Variants in CPXM2 observed in about 807,000 individuals in gnomAD.
The protein encoded by CPXM2 is carboxypeptidase X, M14 family member 2.
A neutral mutation model predicts 86.1 loss-of-function variants in CPXM2; 66 were observed. The observed-to-expected ratio is 0.77, with a 90% CI of 0.63 to 0.94. CPXM2 has a LOEUF of 0.94. Ranked by LOEUF, CPXM2 falls within the 40% of genes least tolerant of loss-of-function variation. The probability of loss-of-function intolerance (pLI) is 0.00; values close to 1 mark genes in which losing one functional copy is unlikely to be tolerated. For synonymous variants in CPXM2, 388 were observed against 400.2 expected (o/e 0.97, Z 0.36); for missense variants, 948 against 1,026.3 (o/e 0.92, Z 1.04).
intron 6 of CPXM2, among the ~76,000 whole-genome samples, chr10:123,788,878 GAAA>G (rs11461379): frequency 4.3e-5 from 6 of 138,864 alleles, no homozygotes; most frequent in Admixed American, 7.2e-5. Context: ...CACCTTGATT[GAAA>G]AAAAAAAAAA....
At chr10:123,817,062 C>T (rs771940010) in intron 4 of CPXM2, among the ~76,000 whole-genome samples, 1 of 152,212 alleles carries the variant, frequency 6.6e-6, no homozygotes, top group Admixed American at 6.5e-5. Flanking sequence ...GGATAAGTTG[C>T]TGCATTTGGC....
intron 2 of CPXM2, among the ~76,000 whole-genome samples, chr10:123,916,522 G>A (rs1247895751): frequency 6.6e-6 from 1 of 152,144 alleles, no homozygotes; most frequent in Non-Finnish European, 1.5e-5. Flanking sequence ...AGTCGTCTCT[G>A]ACTGCATTAA....
At position 123,803,118 on chromosome 10, in the gene CPXM2, C is replaced by CTTTTTTTTTTT. The variant is rs532954173; in HGVS notation, c.654-3930_654-3920dup. Reference sequence around the variant, plus strand: ...TCCTTTTCATCCTCTTTGTAGTACCCTTTTTTTTTTTTTTTTTTTTTTTTT... The same window carrying CTTTTTTTTTTT: ...TCCTTTTCATCCTCTTTGTAGTACCCTTTTTTTTTTTTTTTTTTTTTTTTTTTTTTTTTTTT... On this transcript the variant is annotated intron_variant, in intron 4 of 13. Transcript: ENST00000241305. Among the ~76,000 whole-genome samples, 140 of 63,642 alleles carry CTTTTTTTTTTT rather than the reference C, an allele frequency of 2.2e-3. 11 individuals carry two copies. Among genetic ancestry groups the CTTTTTTTTTTT allele is most frequent in the Non-Finnish European group, 3.1e-3 (102 of 32,526 alleles). 41.8% of individuals were successfully genotyped at this position (63,642 alleles called of 152,430 possible).
upstream of CPXM2, among the ~76,000 whole-genome samples, chr10:123,943,919 T>C (rs1204195296): frequency 4.6e-5 from 7 of 152,294 alleles, no homozygotes; most frequent in Admixed American, 2.0e-4. Context: ...GGTATTTGTA[T>C]CTCCAGAGCT....
chr10:123,814,880 C>T (rs1376379509), intron 4 of CPXM2, among the ~76,000 whole-genome samples: 1 of 152,048 alleles, frequency 6.6e-6, no homozygotes, highest in East Asian at 1.9e-4. Context: ...CAAAAATTAG[C>T]TGGGTGTGGT....
chr10:123,897,015 G>C (rs977628865), intron 2 of CPXM2, among the ~76,000 whole-genome samples: 1 of 152,054 alleles, frequency 6.6e-6, no homozygotes, highest in African/African-American at 2.4e-5. Flanking sequence ...GGAAGGTGAG[G>C]AGAAAGGGCT....
intron 7 of CPXM2, among the ~76,000 whole-genome samples, chr10:123,772,345 AGTTATCACCTCCCTGGGTGTG>A (rs1564761390): frequency 2.2e-5 from 3 of 135,784 alleles, no homozygotes; most frequent in Admixed American, 7.2e-5. Context: ...CCCCGTTTGC[AGTTATCACCTCCCTGGGTGTG>A]GTTATCACCT....
intron 3 of CPXM2, among the ~76,000 whole-genome samples, chr10:123,853,468 G>T (rs1478383077): frequency 1.3e-5 from 2 of 152,188 alleles, no homozygotes; most frequent in African/African-American, 4.8e-5. Flanking sequence ...TAGGCCCCCA[G>T]TAAATATTTG....
chr10:123,759,154 T>A (rs1846279300), intron 11 of CPXM2, among the ~76,000 whole-genome samples: 1 of 152,102 alleles, frequency 6.6e-6, no homozygotes, highest in East Asian at 1.9e-4. Flanking sequence ...ATCCCTCACA[T>A]GGGCCCCGGT....
chr10:123,910,776 G>A lies in CPXM2; in HGVS notation n.174+28701C>T, dbSNP rs181649590. On this transcript the variant is annotated intron_variant and non_coding_transcript_variant, in intron 2 of 19. Transcript: ENST00000368854. ...TGACAACACAAATTTATTCTCTCACGGTCCTGAAGGCCAGAATTCTGAGAT... is the reference window on the plus strand; with the variant it reads ...TGACAACACAAATTTATTCTCTCACAGTCCTGAAGGCCAGAATTCTGAGAT... 1.8e-4 allele frequency among the ~76,000 whole-genome samples: 28 copies of A among 152,182 alleles called. 1 individual carries two copies. The highest frequency in any genetic ancestry group is 6.3e-4 in the African/African-American group (26 of 41,494).
At chr10:123,779,641 C>A (rs1433403908) in intron 7 of CPXM2, among the ~76,000 whole-genome samples, 1 of 152,090 alleles carries the variant, frequency 6.6e-6, no homozygotes, top group African/African-American at 2.4e-5. Flanking sequence ...CAATATGCAA[C>A]CAAGATTGAA....
intron 1 of CPXM2, among the ~76,000 whole-genome samples, chr10:123,890,416 T>C (rs1299435386): frequency 6.6e-6 from 1 of 152,208 alleles, no homozygotes; most frequent in Non-Finnish European, 1.5e-5. Context: ...CTGCTGACTT[T>C]CGTGAGCAGT....
intron 2 of CPXM2, among the ~76,000 whole-genome samples, chr10:123,877,567 C>A (rs78074144): frequency 0.04 from 6,116 of 152,232 alleles, 171 homozygotes; most frequent in East Asian, 0.11. Flanking sequence ...ATGGAAACAA[C>A]CAAAGCTTGG....
intron 2 of CPXM2, among the ~76,000 whole-genome samples, chr10:123,914,287 G>C (rs1387537990): frequency 6.6e-6 from 1 of 152,126 alleles, no homozygotes; most frequent in East Asian, 1.9e-4. Flanking sequence ...CTGGGATACC[G>C]GAATGCCCTG....
chr10:123,937,867 G>A (rs1246821715), intron 2 of CPXM2, among the ~76,000 whole-genome samples: 1 of 152,090 alleles, frequency 6.6e-6, no homozygotes, highest in African/African-American at 2.4e-5. Context: ...AAATGCCAAT[G>A]TCCCCTGCAC....
At chr10:123,835,956 T>C (rs1848270976) in intron 4 of CPXM2, among the ~76,000 whole-genome samples, 1 of 152,180 alleles carries the variant, frequency 6.6e-6, no homozygotes, top group Non-Finnish European at 1.5e-5. Context: ...AAAGGAGGTG[T>C]TTGGGGAGGC....
chr10:123,895,197 C>T (rs896670283), upstream of CPXM2, among the ~76,000 whole-genome samples: 1 of 144,460 alleles, frequency 6.9e-6, no homozygotes, highest in Admixed American at 7.1e-5. Flanking sequence ...CATGTCGGCT[C>T]ACGGCAACCT....
At chr10:123,796,976 G>A (rs1244633979) in intron 6 of CPXM2, among the ~76,000 whole-genome samples, 1 of 152,248 alleles carries the variant, frequency 6.6e-6, no homozygotes, top group African/African-American at 2.4e-5. Context: ...TTGGAGATGT[G>A]TGGTCAGGAT....
intron 2 of CPXM2, among the ~76,000 whole-genome samples, chr10:123,929,540 A>G (rs1945649371): frequency 6.6e-6 from 1 of 152,212 alleles, no homozygotes. Context: ...CCACCATGGA[A>G]GAAACCTCAT....
Sources: allele counts gnomAD v4.1 joint callset (sites outside exome capture counted in the v4.1 genomes callset), GRCh38; gene constraint gnomAD v4.1.1; transcripts MANE v1.5; gene names NCBI Gene and HGNC (gene_info 2026-07-23, HGNC 2026-07-21).